MDGA2: variants seen among roughly 807,000 people sequenced by gnomAD.
MDGA2 encodes the protein MAM domain containing glycosylphosphatidylinositol anchor 2.
A neutral mutation model predicts 117.8 loss-of-function variants in MDGA2; 40 were observed. That is an observed-to-expected ratio of 0.34 (90% CI 0.26 to 0.44). The LOEUF is 0.44. Ranked by LOEUF, MDGA2 falls within the 20% of genes least tolerant of loss-of-function variation. The pLI is 1.00. For synonymous variants in MDGA2, 452 were observed against 439.0 expected, an observed-to-expected ratio of 1.03 and a Z score of -0.37; for missense variants, 1,123 against 1,250.6, an observed-to-expected ratio of 0.90 and a Z score of 1.54.
chr14:47,038,412 T>A (rs1027909442), intron 7 of MDGA2, among the ~76,000 whole-genome samples: 1 of 152,170 alleles, frequency 6.6e-6, no homozygotes, highest in Non-Finnish European at 1.5e-5. Flanking sequence ...CAAATCACAA[T>A]AGATTATTGA....
intron 1 of MDGA2, among the ~76,000 whole-genome samples, chr14:47,527,193 G>C (rs764486906): frequency 6.6e-6 from 1 of 152,098 alleles, no homozygotes; most frequent in Non-Finnish European, 1.5e-5. Context: ...ATTTCTGTTT[G>C]TTTCTAGTTG....
chr14:47,343,060 G>A (rs754566953), intron 1 of MDGA2: 1 of 1,285,160 alleles, frequency 7.8e-7, no homozygotes, highest in South Asian at 1.2e-5. Flanking sequence ...TCCTGCGGCA[G>A]ATCCCAAGGG....
intron 1 of MDGA2, among the ~76,000 whole-genome samples, chr14:47,330,094 A>G (rs181231622): frequency 8.1e-4 from 123 of 152,106 alleles, no homozygotes; most frequent in Admixed American, 3.0e-3. Flanking sequence ...GAACTGCAAA[A>G]TCACTTGTAT....
At chr14:47,361,550 T>TA (rs1283491335) in intron 1 of MDGA2, among the ~76,000 whole-genome samples, 2 of 152,160 alleles carry the variant, frequency 1.3e-5, no homozygotes, top group Non-Finnish European at 2.9e-5. Context: ...TTGTTTTTTT[T>TA]AAAGTATGTT....
chr14:47,121,947 A>C (rs954591735), intron 5 of MDGA2, among the ~76,000 whole-genome samples: 1 of 152,022 alleles, frequency 6.6e-6, no homozygotes, highest in African/African-American at 2.4e-5. Flanking sequence ...TAAAAGGATA[A>C]TAGCACAATC....
chr14:47,030,273 G>A (rs1183396356), intron 8 of MDGA2, among the ~76,000 whole-genome samples: 1 of 152,042 alleles, frequency 6.6e-6, no homozygotes, highest in Admixed American at 6.5e-5. Context: ...CCAGCACTTT[G>A]GGAGGCTGAG....
chr14:47,130,181 G>A (rs1211645688), intron 5 of MDGA2, among the ~76,000 whole-genome samples: 1 of 151,952 alleles, frequency 6.6e-6, no homozygotes, highest in Non-Finnish European at 1.5e-5. Context: ...CCTATGTCCT[G>A]AATGGTAATG....
chr14:46,954,479 G>C (rs773090117), intron 9 of MDGA2, among the ~76,000 whole-genome samples: 3 of 151,972 alleles, frequency 2.0e-5, no homozygotes, highest in Non-Finnish European at 2.9e-5. Flanking sequence ...CCAAGGTCTT[G>C]GCAGGACCCT....
At chr14:47,674,306 T>A (rs1285296680) in intron 1 of MDGA2, among the ~76,000 whole-genome samples, 1 of 152,030 alleles carries the variant, frequency 6.6e-6, no homozygotes, top group Non-Finnish European at 1.5e-5. Flanking sequence ...TAAACCCAAC[T>A]CCGAGCCAGA....
At chr14:47,600,261 T>C (rs905542756) in intron 1 of MDGA2, among the ~76,000 whole-genome samples, 2 of 151,770 alleles carry the variant, frequency 1.3e-5, no homozygotes, top group African/African-American at 2.4e-5. Flanking sequence ...GCTTTTTGTA[T>C]TTTTTCGTAT....
chr14:47,189,738 TGACA>T (rs752327529), intron 3 of MDGA2, among the ~76,000 whole-genome samples: 7 of 152,184 alleles, frequency 4.6e-5, no homozygotes, highest in Admixed American at 1.3e-4. Context: ...ATTATTAATG[TGACA>T]GACAGAACTT....
intron 8 of MDGA2, among the ~76,000 whole-genome samples, chr14:47,006,577 T>C (rs902674818): frequency 1.3e-5 from 2 of 151,114 alleles, no homozygotes. Flanking sequence ...TTAAATAATA[T>C]AAATCAAGTG....
At chr14:47,570,741 A>T (rs557911133) in intron 1 of MDGA2, among the ~76,000 whole-genome samples, 9 of 152,310 alleles carry the variant, frequency 5.9e-5, no homozygotes, top group African/African-American at 2.2e-4. Context: ...CTTACACCTT[A>T]TACAAAAATT....
chr14:46,948,112 T>C (rs2138601750), intron 9 of MDGA2, among the ~76,000 whole-genome samples: 1 of 152,160 alleles, frequency 6.6e-6, no homozygotes, highest in Middle Eastern at 3.4e-3. Context: ...CATAAATTTC[T>C]TTTCTGCAAT....
chr14:47,319,711 T>C (rs954610888), intron 1 of MDGA2, among the ~76,000 whole-genome samples: 2 of 152,168 alleles, frequency 1.3e-5, no homozygotes, highest in Non-Finnish European at 2.9e-5. Flanking sequence ...TTTTGTTTGT[T>C]TGTCTTATGG....
chr14:47,071,426 CTATAA>C (rs1890277336), intron 6 of MDGA2, among the ~76,000 whole-genome samples: 1 of 152,018 alleles, frequency 6.6e-6, no homozygotes, highest in East Asian at 1.9e-4. Flanking sequence ...ATTTAATATG[CTATAA>C]TATGTTATAT....
rs528566703 is a variant in MDGA2, at chr14:47,503,960, T to C, written c.280+170557A>G. 2.7e-3 allele frequency among the ~76,000 whole-genome samples: 409 copies of C among 152,282 alleles called. 2 individuals carry two copies. Among genetic ancestry groups the C allele is most frequent in the African/African-American group, 9.6e-3 (401 of 41,570 alleles). On this transcript the variant is annotated intron_variant, in intron 1 of 16. Transcript: ENST00000399232. ...TCTAAGTAAGGGTTCTCATCTTTTA[T>C]AGAGCCTAGTACCAAAAATAGATGT... is the stretch of plus-strand genomic sequence containing the variant.
Position 47,182,807 on chromosome 14 carries a change from C to A in MDGA2, c.595+35214G>T, listed in dbSNP as rs988036166. Among the ~76,000 whole-genome samples the A allele has an allele frequency of 2.0e-5, 3 of 152,134 alleles. No homozygotes were observed. In the South Asian group the frequency reaches 6.2e-4, roughly 31 times the overall value. On this transcript the variant is annotated intron_variant, in intron 3 of 16. Transcript: ENST00000399232. The stretch of plus-strand genomic sequence containing the variant: ...CTGCTTTCCTAATGAAATTCATATA[C>A]AAATCTGCTCTCAAACAAATTAGAC...
chr14:47,206,603 G>T (rs1885692885), intron 3 of MDGA2, among the ~76,000 whole-genome samples: 1 of 151,740 alleles, frequency 6.6e-6, no homozygotes, highest in Non-Finnish European at 1.5e-5. Context: ...TAAGTATATA[G>T]GTAGGGCTGG....
Sources: allele counts gnomAD v4.1 joint callset (sites outside exome capture counted in the v4.1 genomes callset), GRCh38; gene constraint gnomAD v4.1.1; transcripts MANE v1.5; gene names NCBI Gene and HGNC (gene_info 2026-07-23, HGNC 2026-07-21).